ZNF592: variants seen among roughly 807,000 people sequenced by gnomAD.
The protein encoded by ZNF592 is spinocerebellar ataxia, autosomal recessive 5.
Under a neutral mutation model 80.3 loss-of-function variants are expected in ZNF592, and 11 were observed. The ratio of observed to expected loss-of-function variants is 0.14; its 90% CI spans 0.09 to 0.23. The LOEUF is 0.23. Among genes scored for constraint, ZNF592 ranks in the 10% least tolerant of loss-of-function variants. The pLI is 1.00. For synonymous variants in ZNF592, 646 were observed against 640.3 expected (o/e 1.01, Z -0.13); for missense variants, 1,420 against 1,633.9 (o/e 0.87, Z 2.26).
rs1313898279 is a variant in ZNF592, at chr15:84,803,063, G to A, written c.*670G>A. 1.3e-5 allele frequency: 2 copies of A among 152,562 alleles called. No individual in the cohort carries two copies. The highest frequency in any genetic ancestry group is 2.4e-5 in the African/African-American group (1 of 41,436). The allele number at this position is 152,562 out of a possible 1,614,324, so 9.5% of individuals were successfully genotyped here. A position where few individuals can be genotyped will look rare whatever the true frequency, so the allele number is the denominator to read the frequency against. ...GGAACCTGGGCAGAGCAGGAGGTAA[G>A]GCAAAGGCAGGCAGGCACCAAGAAC... On this transcript the variant is annotated 3_prime_UTR_variant, in exon 11 of 11. Transcript: ENST00000560079.
rs9806315 is a variant in ZNF592 at position 84,803,883 on chromosome 15, T to C, written c.*1490T>C. ...GACCTCTAACCCAGGTGGCATGGGG[T>C]TGCGCCCAGCAGGATGTAGTGGAGT... is the stretch of plus-strand genomic sequence containing the variant. On this transcript the variant is annotated 3_prime_UTR_variant, in exon 11 of 11. Coordinates refer to ENST00000560079, the MANE Select transcript of ZNF592 (RefSeq NM_014630.3). 0.85 allele frequency: 128,880 copies of C among 152,296 alleles called. 54,953 individuals are homozygous for C. Among genetic ancestry groups the C allele is most frequent in the African/African-American group, 0.95 (39,633 of 41,554 alleles). The allele number at this position is 152,296 out of a possible 1,614,324, so 9.4% of individuals were successfully genotyped here. A position where few individuals can be genotyped will look rare whatever the true frequency, so the allele number is the denominator to read the frequency against.
rs752895625 is a variant in ZNF592 at position 84,784,648 on chromosome 15, C to A, written c.1973C>A (p.Ala658Glu). ...CAGCTGCTGGTGAAGCCTATCTCTG[C>A]GGACCAAATGTTCGTGTCGGCCCCT... ...CSQLLVKPIS[A>E]DQMFVSAPVN... The change falls in exon 4 of 11, where the codon GCG becomes GAG. Residue 658 changes from alanine to glutamate, a missense_variant. By Grantham distance (107) the Ala-to-Glu change is moderately radical (BLOSUM62 -1). Coordinates refer to ENST00000560079, the MANE Select transcript of ZNF592 (RefSeq NM_014630.3). This position sits in a 1 kb window ranked among gnomAD's most constrained non-coding sequence, Gnocchi z 5.8. 5.6e-6 allele frequency: 9 copies of A among 1,614,048 alleles called. No individual in the cohort carries two copies. Among genetic ancestry groups the A allele is most frequent in the East Asian group, 2.2e-5 (1 of 44,896 alleles).
intron 4 of ZNF592, among the ~76,000 whole-genome samples, chr15:84,785,324 T>C (rs1398854439): frequency 1.3e-5 from 2 of 152,102 alleles, no homozygotes; most frequent in Non-Finnish European, 2.9e-5. Context: ...TTTTTTTTTT[T>C]TTCTTGAGAC....
intron 2 of ZNF592, among the ~76,000 whole-genome samples, chr15:84,768,235 T>TTC (rs1899593758): frequency 7.0e-6 from 1 of 143,246 alleles, no homozygotes; most frequent in Non-Finnish European, 1.5e-5. Context: ...TCTTTCTTTT[T>TTC]TTTTTTTTTT....
At position 84,784,022 on chromosome 15, in the gene ZNF592, C is replaced by T. The variant is rs757187279; in HGVS notation, c.1347C>T (p.Asp449=). 206 of 1,611,096 alleles carry T rather than the reference C, an allele frequency of 1.3e-4. 1 individual carries two copies. The East Asian group carries it at 3.9e-3, about 31-fold the overall frequency. ...SGSPQGARKG[D]ESMTKASDSS... ...GCCCCCAGGGGGCCAGGAAAGGGGA[C>T]GAGAGCATGACAAAGGCCAGTGACT... The change falls in exon 4 of 11, where the codon GAC becomes GAT. Residue 449 remains aspartate (D), a synonymous_variant. Transcript: ENST00000560079. This position sits in a 1 kb window ranked among gnomAD's most constrained non-coding sequence, Gnocchi z 5.8.
intron 1 of ZNF592, among the ~76,000 whole-genome samples, chr15:84,757,564 G>C (rs1760939758): frequency 6.6e-6 from 1 of 151,914 alleles, no homozygotes; most frequent in Admixed American, 6.6e-5. Context: ...GTGTTGACCA[G>C]GCTGGTTTCA....
Position 84,798,159 on chromosome 15 carries a change from TG to T in ZNF592, c.2576+118del. On this transcript the variant is annotated intron_variant, in intron 6 of 10. Coordinates refer to ENST00000560079, the MANE Select transcript of ZNF592 (RefSeq NM_014630.3). This position sits in a 1 kb window ranked among gnomAD's most constrained non-coding sequence, Gnocchi z 4.5. ...AGCTGGGGTTAGTGGCAGAGGTGCC[TG>T]GGGTCGTACTAAGGATGTCCTGAGG... 1 of 1,564,964 alleles carries T rather than the reference TG, an allele frequency of 6.4e-7. No homozygotes were observed. Among genetic ancestry groups the T allele is most frequent in the African/African-American group, 1.3e-5 (1 of 74,078 alleles).
Position 84,799,802 on chromosome 15 carries a change from G to T in ZNF592, c.3138-40G>T, listed in dbSNP as rs925075298. On this transcript the variant is annotated intron_variant, in intron 9 of 10. Coordinates refer to ENST00000560079, the MANE Select transcript of ZNF592 (RefSeq NM_014630.3). This position sits in a 1 kb window ranked among gnomAD's most constrained non-coding sequence, Gnocchi z 4.2. ...GTGAATAGCACTGAGGGAGCCTGCG[G>T]CCCGGGCACTTACCTGACCTCTCCG... 3 of 1,612,288 alleles carry T rather than the reference G, an allele frequency of 1.9e-6. No individual in the cohort carries two copies. Among genetic ancestry groups the T allele is most frequent in the Non-Finnish European group, 2.5e-6 (3 of 1,179,930 alleles).
intron 1 of ZNF592, among the ~76,000 whole-genome samples, chr15:84,748,948 T>A (rs1898930905): frequency 1.3e-5 from 2 of 151,596 alleles, no homozygotes; most frequent in South Asian, 4.1e-4. Context: ...CCGGGCACGC[T>A]GCTGTCCTCC....
intron 10 of ZNF592, among the ~76,000 whole-genome samples, chr15:84,801,039 T>C (rs1963079980): frequency 6.6e-6 from 1 of 152,160 alleles, no homozygotes; most frequent in African/African-American, 2.4e-5. Context: ...AGCATGCATA[T>C]ACTGGGTGCG....
chr15:84,799,102 T>G lies in ZNF592; in HGVS notation c.3029T>G (p.Leu1010Trp). 1 of 1,614,150 alleles carries G rather than the reference T, an allele frequency of 6.2e-7. No homozygotes were observed. The highest frequency in any genetic ancestry group is 8.5e-7 in the Non-Finnish European group (1 of 1,180,022). Residue 1010 changes from leucine to tryptophan, a missense_variant, in exon 9 of 11, where the codon TTG becomes TGG. Leu to Trp is a moderately conservative substitution (Grantham distance 61, BLOSUM62 -2). Transcript: ENST00000560079. This position sits in a 1 kb window ranked among gnomAD's most constrained non-coding sequence, Gnocchi z 4.2. ...SHMKKSHGRT[L>W]KRYPCRQCEQ... ...TGTTGCCACCTCCTTCCTTAGACAT[T>G]GAAGCGGTACCCATGCCGGCAGTGT... is the stretch of plus-strand genomic sequence containing the variant.
rs781217054 is a variant in ZNF592 at position 84,798,416 on chromosome 15, A to G, written c.2678A>G (p.Lys893Arg). 5 of 1,614,196 alleles carry G rather than the reference A, an allele frequency of 3.1e-6. No homozygotes were observed. In the East Asian group the frequency reaches 6.7e-5, roughly 22 times the overall value. ...NVSKTQVGVF[K>R]CPECPLLFVQ... ...AGCAAGACGCAGGTGGGCGTCTTCAAGTGCCCTGAGTGCCCACTCTTGTTC... is the reference window on the plus strand; with the variant it reads ...AGCAAGACGCAGGTGGGCGTCTTCAGGTGCCCTGAGTGCCCACTCTTGTTC... Residue 893 changes from lysine (K) to arginine (R), a missense_variant, in exon 7 of 11, where the codon AAG becomes AGG. By Grantham distance (26) the Lys-to-Arg change is conservative. Coordinates refer to ENST00000560079, the MANE Select transcript of ZNF592 (RefSeq NM_014630.3). This position sits in a 1 kb window ranked among gnomAD's most constrained non-coding sequence, Gnocchi z 4.5.
In ZNF592 at chr15:84,799,759, C is replaced by G; in HGVS notation, c.3138-83C>G. 1 of 1,600,796 alleles carries G rather than the reference C, an allele frequency of 6.2e-7. No individual in the cohort carries two copies. Among genetic ancestry groups the G allele is most frequent in the East Asian group, 2.2e-5 (1 of 44,840 alleles). On this transcript the variant is annotated intron_variant, in intron 9 of 10. Coordinates refer to ENST00000560079, the MANE Select transcript of ZNF592 (RefSeq NM_014630.3). This position sits in a 1 kb window ranked among gnomAD's most constrained non-coding sequence, Gnocchi z 4.2. The stretch of plus-strand genomic sequence containing the variant: ...AGCCCAGGAGTCTGCTCCAGACTCC[C>G]TCCTTCCTGGCCTTGGTGTGAATAG...
intron 2 of ZNF592, among the ~76,000 whole-genome samples, chr15:84,766,843 A>T (rs1596111711): frequency 6.6e-6 from 1 of 151,978 alleles, no homozygotes; most frequent in East Asian, 1.9e-4. Context: ...AACCATAGGG[A>T]TGCCTCTAAG....
rs778739797 is a variant in ZNF592 at position 84,779,988 on chromosome 15, TG to T, written c.-20+1677del. On this transcript the variant is annotated intron_variant, in intron 3 of 10. Transcript: ENST00000560079. ...TCAATCTTTTTTTCCTAGACAGTTT[TG>T]TTTTTTTTTTTTTTTGAGTTGGAGT... Among the ~76,000 whole-genome samples the T allele has an allele frequency of 1.3e-3, 187 of 145,740 alleles. 9 individuals are homozygous for T. Among genetic ancestry groups the T allele is most frequent in the Middle Eastern group, 6.8e-3 (2 of 294 alleles).
chr15:84,792,745 G>T (rs1001122250), intron 5 of ZNF592, among the ~76,000 whole-genome samples: 1 of 152,120 alleles, frequency 6.6e-6, no homozygotes, highest in Non-Finnish European at 1.5e-5. Context: ...GAGCCACCGT[G>T]CCTGGCATTA....
chr15:84,761,353 A>G (rs774866732), intron 1 of ZNF592, among the ~76,000 whole-genome samples: 1 of 152,218 alleles, frequency 6.6e-6, no homozygotes, highest in Non-Finnish European at 1.5e-5. Flanking sequence ...ATGACCAAGT[A>G]GGGAAAGACC....
intron 5 of ZNF592, among the ~76,000 whole-genome samples, chr15:84,796,897 G>A (rs2141521147): frequency 6.6e-6 from 1 of 152,134 alleles, no homozygotes; most frequent in South Asian, 2.1e-4. Context: ...TGCAACTAAG[G>A]AACTGAATTT....
At chr15:84,754,219 T>C (rs1306381606) in intron 1 of ZNF592, among the ~76,000 whole-genome samples, 1 of 152,240 alleles carries the variant, frequency 6.6e-6, no homozygotes, top group African/African-American at 2.4e-5. Context: ...TTTGGTTAAG[T>C]TCCTTACCTT....
Sources: gnomAD v4.1 joint callset for allele counts (sites outside exome capture counted in the v4.1 genomes callset) on GRCh38, gnomAD v4.1.1 for gene constraint, Gnocchi (gnomAD v3.1) non-coding constraint, MANE v1.5 for transcripts, NCBI Gene and HGNC (gene_info 2026-07-23, HGNC 2026-07-21) for gene names.